Variants in HTR3A observed in about 807,000 individuals in gnomAD.
The protein encoded by HTR3A is 5-hydroxytryptamine (serotonin) receptor 3A, ionotropic.
HTR3A carries 45 observed loss-of-function variants against 54.8 expected under a neutral mutation model. The ratio of observed to expected loss-of-function variants is 0.82; its 90% CI spans 0.65 to 1.05. The LOEUF is 1.05. Ranked by LOEUF, HTR3A falls within the 50% of genes least tolerant of loss-of-function variation. The pLI is 0.00. For missense variants in HTR3A, 657 were observed against 614.0 expected, an observed-to-expected ratio of 1.07 and a Z score of -0.74; for synonymous variants, 297 against 256.0, an observed-to-expected ratio of 1.16 and a Z score of -1.53.
chr11:113,990,018 G>A lies in HTR3A; in HGVS notation c.*255G>A, dbSNP rs764053904. On this transcript the variant is annotated 3_prime_UTR_variant, in exon 9 of 9. Transcript: ENST00000504030. ...GCAGCTCACCATGGCTTTAAAACAT[G>A]CTGTCTTAGATCAGGAGAAACTCGG... is the stretch of plus-strand genomic sequence containing the variant. 6 of 664,868 alleles carry A rather than the reference G, an allele frequency of 9.0e-6. No homozygotes were observed. The highest frequency in any genetic ancestry group is 1.7e-5 in the Non-Finnish European group (6 of 363,176). 41.2% of individuals were successfully genotyped at this position (664,868 alleles called of 1,614,324 possible).
At chr11:113,987,131 C>T (rs1950503776) in intron 8 of HTR3A, 85 bp downstream of exon 8, 2 of 1,399,936 alleles carry the variant, frequency 1.4e-6, no homozygotes, top group African/African-American at 1.4e-5. Context: ...CGTGGCCTGC[C>T]AAGGAGGTGC....
chr11:113,977,319 A>T (rs937684766), intron 1 of HTR3A, among the ~76,000 whole-genome samples: 1 of 151,912 alleles, frequency 6.6e-6, no homozygotes, highest in Non-Finnish European at 1.5e-5. Context: ...GCTGAGGAAA[A>T]CCCTGATGCA....
chr11:113,982,821 C>A (rs1385418327), intron 4 of HTR3A, among the ~76,000 whole-genome samples: 1 of 152,194 alleles, frequency 6.6e-6, no homozygotes, highest in Non-Finnish European at 1.5e-5. Context: ...ACTGGGCACG[C>A]TTCCTACTGT....
At chr11:113,984,459 T>TA (rs753938565) in intron 5 of HTR3A, among the ~76,000 whole-genome samples, 5 of 151,372 alleles carry the variant, frequency 3.3e-5, no homozygotes, top group Non-Finnish European at 4.4e-5. Flanking sequence ...AAATAAAAAG[T>TA]AAAAAAAACT....
intron 3 of HTR3A, among the ~76,000 whole-genome samples, chr11:113,980,881 T>C (rs1380735443): frequency 6.6e-6 from 1 of 152,252 alleles, no homozygotes; most frequent in Non-Finnish European, 1.5e-5. Flanking sequence ...CATATAAATA[T>C]GTTGAGACCA....
At chr11:113,987,880 T>A (rs1055290999) in intron 8 of HTR3A, among the ~76,000 whole-genome samples, 1 of 152,216 alleles carries the variant, frequency 6.6e-6, no homozygotes, top group Non-Finnish European at 1.5e-5. Context: ...TGGTGGTGGT[T>A]AGTTGGTTGG....
intron 8 of HTR3A, among the ~76,000 whole-genome samples, chr11:113,987,478 A>T (rs1950506814): frequency 6.6e-6 from 1 of 152,174 alleles, no homozygotes; most frequent in Admixed American, 6.5e-5. Flanking sequence ...CATGCCTACA[A>T]TCCCAGCACT....
Position 113,975,201 on chromosome 11 carries a change from G to C in HTR3A, c.-125G>C, listed in dbSNP as rs760850821. On this transcript the variant is annotated 5_prime_UTR_variant, in exon 1 of 9. Coordinates refer to ENST00000504030, the MANE Select transcript of HTR3A (RefSeq NM_000869.6). ...GAGTGTGAGGCTGCAGCCTCAGAAGGTGTGAGCAGTGGCCACGAGAGGCAG... is the reference window on the plus strand; with the variant it reads ...GAGTGTGAGGCTGCAGCCTCAGAAGCTGTGAGCAGTGGCCACGAGAGGCAG... The C allele has an allele frequency of 1.2e-6, 1 of 864,452 alleles. No individual in the cohort carries two copies. 53.5% of individuals were successfully genotyped at this position (864,452 alleles called of 1,614,324 possible).
At chr11:113,979,174 G>A in intron 2 of HTR3A, 59 bp from the exon 3 acceptor site, 1 of 1,309,298 alleles carries the variant, frequency 7.6e-7, no homozygotes, top group Non-Finnish European at 1.1e-6. Flanking sequence ...GGGCTGGCAT[G>A]TGCAGGGTGG....
chr11:113,989,705 C>T lies in HTR3A; in HGVS notation c.1379C>T (p.Ala460Val), dbSNP rs1236799684. The T allele has an allele frequency of 1.2e-5, 19 of 1,613,672 alleles. No individual in the cohort carries two copies. The highest frequency in any genetic ancestry group is 1.6e-4 in the Middle Eastern group (1 of 6,084). Reference sequence around the variant, plus strand: ...CTGCTATTCCACATTTACCTGCTAGCGGTGCTGGCCTACAGCATCACCCTG... The same window carrying T: ...CTGCTATTCCACATTTACCTGCTAGTGGTGCTGGCCTACAGCATCACCCTG... Reference protein sequence around the residue: ...DKLLFHIYLLAVLAYSITLVM... With the variant: ...DKLLFHIYLLVVLAYSITLVM... The change falls in exon 9 of 9, where the codon GCG becomes GTG. Residue 460 changes from alanine (A) to valine (V), a missense_variant. By Grantham distance (64) the Ala-to-Val change is moderately conservative. Transcript: ENST00000504030. The surrounding 1 kb of genome is among the most constrained non-coding windows in gnomAD (Gnocchi z 4.4).
chr11:113,982,679 G>A (rs1950435855), intron 4 of HTR3A, among the ~76,000 whole-genome samples: 1 of 152,166 alleles, frequency 6.6e-6, no homozygotes, highest in South Asian at 2.1e-4. Flanking sequence ...TCCAGGGGTG[G>A]GAAGCAAAGA....
rs1950497586 is a variant in HTR3A at position 113,986,744 on chromosome 11, G to A, written c.916+16G>A. 1 of 1,614,152 alleles carries A rather than the reference G, an allele frequency of 6.2e-7. No individual in the cohort carries two copies. Among genetic ancestry groups the A allele is most frequent in the Non-Finnish European group, 8.5e-7 (1 of 1,180,030 alleles). ...CCTCTCATTGGTAAGGCCCCTCCTG[G>A]CAGCAGAGCTCAGTCTGGTGAGAAA... On this transcript the variant is annotated intron_variant, in intron 7 of 8. Transcript: ENST00000504030.
At position 113,986,926 on chromosome 11, in the gene HTR3A, C is replaced by T. The variant is rs775996208; in HGVS notation, c.1018C>T (p.Pro340Ser). 2 of 1,614,164 alleles carry T rather than the reference C, an allele frequency of 1.2e-6. No homozygotes were observed. Among genetic ancestry groups the T allele is most frequent in the Admixed American group, 3.3e-5 (2 of 60,024 alleles). Residue 340 changes from proline (P) to serine (S), a missense_variant, in exon 8 of 9, where the codon CCT becomes TCT. By Grantham distance (74) the Pro-to-Ser change is moderately conservative. Coordinates refer to ENST00000504030, the MANE Select transcript of HTR3A (RefSeq NM_000869.6). ...CAAGCAAGACCTGCAGCAGCCCGTG[C>T]CTGCTTGGCTGCGTCACCTGGTTCT... ...VHKQDLQQPV[P>S]AWLRHLVLER... is the part of the protein sequence containing the mutation.
chr11:113,990,238 T>TG lies in HTR3A; in HGVS notation c.*476dup, dbSNP rs1268575686. The TG allele has an allele frequency of 2.2e-6, 1 of 454,410 alleles. No homozygotes were observed. The highest frequency in any genetic ancestry group is 1.6e-5 in the South Asian group (1 of 64,476). The allele number at this position is 454,410 out of a possible 1,614,324, so 28.1% of individuals were successfully genotyped here. A position where few individuals can be genotyped will look rare whatever the true frequency, so the allele number is the denominator to read the frequency against. On this transcript the variant is annotated 3_prime_UTR_variant, in exon 9 of 9. Coordinates refer to ENST00000504030, the MANE Select transcript of HTR3A (RefSeq NM_000869.6). ...GTGTCTTTTTTTTCTTCACCTCACT[T>TG]GTGGCAGCTTCCCTGAACACTCATC...
In HTR3A at chr11:113,986,181, T is replaced by C. The variant is rs1950489153; in HGVS notation, c.705+6T>C. 1 of 1,613,880 alleles carries C rather than the reference T, an allele frequency of 6.2e-7. No homozygotes were observed. The highest frequency in any genetic ancestry group is 8.5e-7 in the Non-Finnish European group (1 of 1,179,982). On this transcript the variant is annotated splice_donor_region_variant and intron_variant, in intron 6 of 8. Coordinates refer to ENST00000504030, the MANE Select transcript of HTR3A (RefSeq NM_000869.6). Reference sequence around the variant, plus strand: ...ATGCAGAAATGAAGTTCTATGTGAGTGGGAGTGAATGTGGGTAAAATGGTG... The same window carrying C: ...ATGCAGAAATGAAGTTCTATGTGAGCGGGAGTGAATGTGGGTAAAATGGTG...
Position 113,977,993 on chromosome 11 carries a change from AC to A in HTR3A, c.219+76del, listed in dbSNP as rs894665168. 2.7e-5 allele frequency: 42 copies of A among 1,563,886 alleles called. No homozygotes were observed. In the Admixed American group the frequency reaches 6.2e-4, roughly 23 times the overall value. ...GGGAGAAGGCCATGTGAGACAAGTC[AC>A]CCCCTATGCAGCTTGTTAGGCATTT... On this transcript the variant is annotated intron_variant, in intron 2 of 8. Transcript: ENST00000504030.
rs1786344837 is a variant in HTR3A, at chr11:113,989,700, G to A, written c.1374G>A (p.Leu458=). The change falls in exon 9 of 9, where the codon CTG becomes CTA. Residue 458 remains leucine (L), a synonymous_variant. Transcript: ENST00000504030. This position sits in a 1 kb window ranked among gnomAD's most constrained non-coding sequence, Gnocchi z 4.4. ...ACAAGCTGCTATTCCACATTTACCTGCTAGCGGTGCTGGCCTACAGCATCA... is the reference window on the plus strand; with the variant it reads ...ACAAGCTGCTATTCCACATTTACCTACTAGCGGTGCTGGCCTACAGCATCA... The part of the protein sequence containing the change: ...VLDKLLFHIY[L]LAVLAYSITL... 1 of 1,613,966 alleles carries A rather than the reference G, an allele frequency of 6.2e-7. No individual in the cohort carries two copies. Among genetic ancestry groups the A allele is most frequent in the Non-Finnish European group, 8.5e-7 (1 of 1,180,018 alleles).
Position 113,979,295 on chromosome 11 carries a change from T to C in HTR3A, c.264+18T>C, listed in dbSNP as rs1313805131. On this transcript the variant is annotated intron_variant, in intron 3 of 8. Coordinates refer to ENST00000504030, the MANE Select transcript of HTR3A (RefSeq NM_000869.6). ...ACCGGCAGGTGAGCAGACCCGCCCCTCCCTGCCCCCGTTACCCATCCTCCT... is the reference window on the plus strand; with the variant it reads ...ACCGGCAGGTGAGCAGACCCGCCCCCCCCTGCCCCCGTTACCCATCCTCCT... The C allele has an allele frequency of 2.3e-6, 3 of 1,311,134 alleles. No homozygotes were observed. The highest frequency in any genetic ancestry group is 2.1e-6 in the Non-Finnish European group (2 of 940,734). The allele number at this position is 1,311,134 out of a possible 1,614,324, so 81.2% of individuals were successfully genotyped here.
At chr11:113,986,496 A>C (rs1950492706) in intron 6 of HTR3A, 22 bp from the exon 7 acceptor site, 2 of 1,610,764 alleles carry the variant, frequency 1.2e-6, no homozygotes, top group Non-Finnish European at 1.7e-6. Context: ...CAGGCTTCCC[A>C]CAAGCTCTTC....
Sources: allele counts gnomAD v4.1 joint callset (sites outside exome capture counted in the v4.1 genomes callset), GRCh38; gene constraint gnomAD v4.1.1; non-coding constraint Gnocchi (gnomAD v3.1); transcripts MANE v1.5; gene names NCBI Gene and HGNC (gene_info 2026-07-23, HGNC 2026-07-21).